The following FRMPD2 variants were observed in gnomAD, a reference collection of about 807,000 sequenced individuals.
The protein encoded by FRMPD2 is FERM and PDZ domain containing 2.
FRMPD2 carries 96 observed loss-of-function variants against 140.1 expected under a neutral mutation model. The observed-to-expected ratio is 0.69, with a 90% CI of 0.58 to 0.81. The LOEUF is 0.81. Ranked by LOEUF, FRMPD2 falls within the 40% of genes least tolerant of loss-of-function variation. The pLI, the probability that FRMPD2 is intolerant of heterozygous loss-of-function variation, is 0.00. For missense variants in FRMPD2, 1,240 were observed against 1,447.4 expected (o/e 0.86, Z 2.32); for synonymous variants, 449 against 547.6 (o/e 0.82, Z 2.52).
intron 10 of FRMPD2, among the ~76,000 whole-genome samples, chr10:48,226,032 T>C (rs988579017): frequency 2.6e-5 from 4 of 152,206 alleles, no homozygotes; most frequent in East Asian, 1.9e-4. Context: ...TGGCATCACA[T>C]AGACTTTCCA....
intron 10 of FRMPD2, among the ~76,000 whole-genome samples, chr10:48,229,490 T>A (rs1270326889): frequency 1.3e-5 from 2 of 152,118 alleles, no homozygotes; most frequent in Non-Finnish European, 2.9e-5. Context: ...AAAGGATATG[T>A]CCCTCACCTT....
intron 1 of FRMPD2, among the ~76,000 whole-genome samples, chr10:48,252,915 T>A (rs1840418241): frequency 6.6e-6 from 1 of 151,444 alleles, no homozygotes. Context: ...TTTTCTTTCG[T>A]TTTTTTATCT....
chr10:48,189,896 C>T (rs1838788862), intron 16 of FRMPD2, among the ~76,000 whole-genome samples: 1 of 152,180 alleles, frequency 6.6e-6, no homozygotes, highest in Admixed American at 6.5e-5. Context: ...CCATATTCAG[C>T]TTTTATAACA....
chr10:48,249,559 G>A (rs1347609997), intron 2 of FRMPD2, among the ~76,000 whole-genome samples: 1 of 152,216 alleles, frequency 6.6e-6, no homozygotes, highest in Non-Finnish European at 1.5e-5. Flanking sequence ...TCCAGGGTGG[G>A]GAAGAGGGAG....
chr10:48,239,706 ATGGTAGAGG>A lies in FRMPD2; in HGVS notation c.701-23_701-15del, dbSNP rs1564436123. On this transcript the variant is annotated splice_polypyrimidine_tract_variant and intron_variant, in intron 6 of 28. Transcript: ENST00000374201. ...TTCTTTCTGAAACTAATCAAGCAGC[ATGGTAGAGG>A]GTATGGGCAGAAGCCAAGATCACGG... 6.2e-7 allele frequency: 1 copy of A among 1,607,000 alleles called. No homozygotes were observed. The highest frequency in any genetic ancestry group is 8.5e-7 in the Non-Finnish European group (1 of 1,173,900).
intron 12 of FRMPD2, among the ~76,000 whole-genome samples, chr10:48,213,030 G>C (rs1378897626): frequency 6.6e-6 from 1 of 152,180 alleles, no homozygotes; most frequent in African/African-American, 2.4e-5. Context: ...GTTGAGGGCA[G>C]TTACTCATGA....
chr10:48,202,381 C>T lies in FRMPD2; in HGVS notation c.1798-997G>A, dbSNP rs185093302. On this transcript the variant is annotated intron_variant, in intron 14 of 28. Transcript: ENST00000374201. ...GTCACCATTTCTAAGAAACTCCATT[C>T]ACGCATGTCAGATATCAACAAAAGG... Among the ~76,000 whole-genome samples, 86 of 152,300 alleles carry T rather than the reference C, an allele frequency of 5.6e-4. 1 individual carries two copies. The East Asian group carries it at 0.012, about 21-fold the overall frequency.
intron 1 of FRMPD2, among the ~76,000 whole-genome samples, chr10:48,272,058 G>T (rs1007665755): frequency 2.6e-5 from 4 of 152,212 alleles, no homozygotes. Flanking sequence ...AGGTAGCATT[G>T]TCCTGGGCTG....
chr10:48,193,854 C>T (rs774307209), intron 15 of FRMPD2, among the ~76,000 whole-genome samples: 10 of 152,164 alleles, frequency 6.6e-5, no homozygotes, highest in Non-Finnish European at 1.5e-4. Context: ...CCCCTCTCTT[C>T]TCTACAATGG....
chr10:48,185,557 A>C lies in FRMPD2; in HGVS notation c.2355T>G (p.Gly785=). The C allele has an allele frequency of 6.2e-7, 1 of 1,613,552 alleles. No individual in the cohort carries two copies. The highest frequency in any genetic ancestry group is 8.5e-7 in the Non-Finnish European group (1 of 1,179,596). ...ACCTACAGGGAGCCCTCTTACCAAA[A>C]CCACGATGTGGGTCACGTTTCAGTG... ...RVTLKRDPHR[G]FGFVINEGEY... Residue 785 remains glycine (G), a synonymous_variant, in exon 18 of 29, where the codon GGT becomes GGG. Transcript: ENST00000374201.
chr10:48,239,557 C>T (rs747106456), intron 7 of FRMPD2, 48 bp downstream of exon 7: 10 of 1,380,546 alleles, frequency 7.2e-6, no homozygotes, highest in Non-Finnish European at 7.2e-6. Context: ...GCCCCCACAC[C>T]TATGTCTCAC....
chr10:48,239,766 C>T, intron 6 of FRMPD2, 74 bp from the exon 7 acceptor site: 1 of 1,033,128 alleles, frequency 9.7e-7, no homozygotes, highest in Non-Finnish European at 1.5e-6. Context: ...CATCTCAGAG[C>T]ATGAATGGCA....
At chr10:48,223,060 C>A in intron 11 of FRMPD2, 63 bp downstream of exon 11, 1 of 1,471,922 alleles carries the variant, frequency 6.8e-7, no homozygotes, top group Non-Finnish European at 9.3e-7. Context: ...TCCATTACCT[C>A]TCCGTCAGCC....
At chr10:48,260,124 A>G (rs898731638) in intron 1 of FRMPD2, among the ~76,000 whole-genome samples, 5 of 152,100 alleles carry the variant, frequency 3.3e-5, no homozygotes, top group African/African-American at 7.2e-5. Flanking sequence ...TATGTGAAAC[A>G]TTTAAGGTAA....
rs1046100768 is a variant in FRMPD2 at position 48,260,247 on chromosome 10, T to C, written c.26-8556A>G. Among the ~76,000 whole-genome samples the C allele has an allele frequency of 2.0e-5, 3 of 152,176 alleles. No individual in the cohort carries two copies. In the East Asian group the frequency reaches 5.8e-4, roughly 29 times the overall value. ...GATAGATATAGATAGATATCTTATATATTATAGAGGCTGAGAAGTTTTACA... is the reference window on the plus strand; with the variant it reads ...GATAGATATAGATAGATATCTTATACATTATAGAGGCTGAGAAGTTTTACA... On this transcript the variant is annotated intron_variant, in intron 1 of 28. Coordinates refer to ENST00000374201, the MANE Select transcript of FRMPD2 (RefSeq NM_001018071.4).
At position 48,242,201 on chromosome 10, in the gene FRMPD2, A is replaced by C; in HGVS notation, c.527T>G (p.Ile176Ser). The C allele has an allele frequency of 1.2e-6, 2 of 1,614,072 alleles. No individual in the cohort carries two copies. The highest frequency in any genetic ancestry group is 1.7e-6 in the Non-Finnish European group (2 of 1,179,940). ...CAGAACCAAGCCAACCAGCCTTCTGATGTGGAGACCAGCAGGGGCTGGGTA... is the reference window on the plus strand; with the variant it reads ...CAGAACCAAGCCAACCAGCCTTCTGCTGTGGAGACCAGCAGGGGCTGGGTA... ...SVYPAPAGLH[I>S]RRLVGLVLGT... The change falls in exon 5 of 29, where the codon ATC becomes AGC. Residue 176 changes from isoleucine to serine, a missense_variant. Around this residue, in one of 6 missense-constraint regions of FRMPD2, gnomAD observed 1,161 missense variants for 1,055.9 expected, o/e 1.10. Transcript: ENST00000374201.
intron 13 of FRMPD2, among the ~76,000 whole-genome samples, chr10:48,209,544 C>A (rs1213600808): frequency 6.6e-6 from 1 of 152,148 alleles, no homozygotes; most frequent in Admixed American, 6.5e-5. Flanking sequence ...AAAACAAGAG[C>A]CATGAGGAGC....
In FRMPD2 at chr10:48,242,317, C is replaced by A; in HGVS notation, c.411G>T (p.Leu137=). ...GAGGCTGGTCTTCACACATGGTCAG[C>A]AGGATGGAGTGCAGGGGCTCGCAGA... ...LQLCEPLHSI[L]LTMCEDQPHR... The change falls in exon 5 of 29, where the codon CTG becomes CTT. Residue 137 remains leucine, a synonymous_variant. Coordinates refer to ENST00000374201, the MANE Select transcript of FRMPD2 (RefSeq NM_001018071.4). 1.2e-6 allele frequency: 2 copies of A among 1,613,992 alleles called. No individual in the cohort carries two copies.
chr10:48,204,975 G>A (rs1188413653), intron 14 of FRMPD2, among the ~76,000 whole-genome samples: 1 of 152,156 alleles, frequency 6.6e-6, no homozygotes, highest in African/African-American at 2.4e-5. Flanking sequence ...CTGCTTTGGT[G>A]CAGGCTGGCA....
Sources: allele counts gnomAD v4.1 joint callset (sites outside exome capture counted in the v4.1 genomes callset), GRCh38; gene constraint gnomAD v4.1.1; regional missense constraint gnomAD v4.1.1; transcripts MANE v1.5; gene names NCBI Gene and HGNC (gene_info 2026-07-23, HGNC 2026-07-21).